Variants in TTC27 observed in about 807,000 individuals in gnomAD.
The protein encoded by TTC27 is tetratricopeptide repeat domain 27.
In TTC27, 79 loss-of-function variants were observed where a neutral mutation model predicts 115.9. That is an observed-to-expected ratio of 0.68 (90% confidence interval 0.57 to 0.82). The LOEUF is 0.82. Among genes scored for constraint, TTC27 ranks in the 40% least tolerant of loss-of-function variants. The probability of loss-of-function intolerance (pLI) is 0.00; values close to 1 mark genes in which losing one functional copy is unlikely to be tolerated. For missense variants in TTC27, 1,054 were observed against 993.1 expected (o/e 1.06, Z -0.82); for synonymous variants, 401 against 356.0 (o/e 1.13, Z -1.42).
intron 16 of TTC27, among the ~76,000 whole-genome samples, chr2:32,796,346 C>T (rs977080391): frequency 3.9e-5 from 6 of 152,126 alleles, no homozygotes; most frequent in Non-Finnish European, 7.4e-5. Flanking sequence ...GATTGAAAAA[C>T]TTAACATTGT....
At chr2:32,727,408 C>G (rs1360325066) in intron 10 of TTC27, among the ~76,000 whole-genome samples, 1 of 152,154 alleles carries the variant, frequency 6.6e-6, no homozygotes, top group African/African-American at 2.4e-5. Flanking sequence ...TTTATTATAA[C>G]AGAGTATTTA....
intron 3 of TTC27, 46 bp from the exon 4 acceptor site, chr2:32,640,224 A>T: frequency 2.0e-6 from 3 of 1,535,948 alleles, no homozygotes; most frequent in Non-Finnish European, 2.7e-6. Flanking sequence ...ATAAAGATTA[A>T]TATTTTGTTA....
chr2:32,710,670 C>A (rs1365330933), intron 10 of TTC27, among the ~76,000 whole-genome samples: 1 of 151,602 alleles, frequency 6.6e-6, no homozygotes, highest in African/African-American at 2.4e-5. Flanking sequence ...CTCAAGTGAT[C>A]TGCCTGCCTC....
intron 10 of TTC27, among the ~76,000 whole-genome samples, chr2:32,725,839 A>G (rs1668090490): frequency 6.6e-6 from 1 of 152,218 alleles, no homozygotes. Flanking sequence ...CTGCCTGGAC[A>G]CATAGACATT....
chr2:32,669,288 G>A (rs557286658), intron 7 of TTC27, among the ~76,000 whole-genome samples: 7 of 151,986 alleles, frequency 4.6e-5, no homozygotes, highest in Admixed American at 1.3e-4. Context: ...CCACTGCACC[G>A]GCCAGAATTT....
chr2:32,811,279 C>T (rs979422238), intron 17 of TTC27, 58 bp downstream of exon 17: 2 of 1,511,008 alleles, frequency 1.3e-6, no homozygotes, highest in Non-Finnish European at 1.8e-6. Flanking sequence ...TGTAGTAGAT[C>T]TACTTTTTTG....
At chr2:32,752,953 T>C (rs1445255988) in intron 12 of TTC27, among the ~76,000 whole-genome samples, 1 of 152,152 alleles carries the variant, frequency 6.6e-6, no homozygotes, top group East Asian at 1.9e-4. Context: ...CACTCAAAAC[T>C]TAGTGGCTTA....
At chr2:32,723,160 A>C (rs1426915489) in intron 10 of TTC27, among the ~76,000 whole-genome samples, 2 of 152,206 alleles carry the variant, frequency 1.3e-5, no homozygotes, top group East Asian at 1.9e-4. Context: ...AAAGGCACTA[A>C]ATAATAACTT....
chr2:32,711,206 C>G (rs2151905598), intron 10 of TTC27, among the ~76,000 whole-genome samples: 1 of 151,144 alleles, frequency 6.6e-6, no homozygotes, highest in Non-Finnish European at 1.5e-5. Flanking sequence ...ATTGGCCTTA[C>G]TATATTTGGG....
chr2:32,648,940 A>G (rs1000857192), intron 4 of TTC27, among the ~76,000 whole-genome samples: 4 of 152,142 alleles, frequency 2.6e-5, no homozygotes, highest in Non-Finnish European at 5.9e-5. Flanking sequence ...GAGCCTGAGG[A>G]GGTCCAGGCT....
intron 10 of TTC27, among the ~76,000 whole-genome samples, chr2:32,726,323 C>T (rs933335195): frequency 6.6e-6 from 1 of 152,182 alleles, no homozygotes; most frequent in East Asian, 1.9e-4. Context: ...CCTTATAAAA[C>T]GGAATGCCTT....
At chr2:32,758,008 A>G (rs1428433538) in intron 12 of TTC27, among the ~76,000 whole-genome samples, 1 of 152,170 alleles carries the variant, frequency 6.6e-6, no homozygotes, top group Non-Finnish European at 1.5e-5. Flanking sequence ...GGCGAAAAAC[A>G]ACTTTTATGT....
intron 7 of TTC27, among the ~76,000 whole-genome samples, chr2:32,670,434 A>G (rs1413800302): frequency 6.6e-6 from 1 of 152,100 alleles, no homozygotes; most frequent in East Asian, 1.9e-4. Flanking sequence ...TAGAATTTCC[A>G]ATAAATGGAA....
intron 13 of TTC27, among the ~76,000 whole-genome samples, chr2:32,766,265 A>G (rs945040519): frequency 1.3e-5 from 2 of 152,206 alleles, no homozygotes; most frequent in African/African-American, 4.8e-5. Flanking sequence ...GGTATTTAGC[A>G]TGATGATCAC....
intron 1 of TTC27, among the ~76,000 whole-genome samples, 192 bp downstream of exon 1, chr2:32,628,572 C>T (rs562531809): frequency 2.0e-5 from 3 of 152,220 alleles, no homozygotes; most frequent in African/African-American, 7.2e-5. Context: ...TTCTTACCGC[C>T]CAGGTTCAGT....
intron 13 of TTC27, among the ~76,000 whole-genome samples, chr2:32,770,284 GTT>G (rs1421293676): frequency 1.3e-5 from 2 of 152,118 alleles, no homozygotes; most frequent in Non-Finnish European, 2.9e-5. Flanking sequence ...GTTACTTATT[GTT>G]TTTACCCTAC....
At chr2:32,765,357 C>CTTTTT (rs35543003) in intron 13 of TTC27, among the ~76,000 whole-genome samples, 1 of 139,672 alleles carries the variant, frequency 7.2e-6, no homozygotes, top group Non-Finnish European at 1.5e-5. Flanking sequence ...TGAAAGGAAT[C>CTTTTT]TTTTTTTTTT....
intron 12 of TTC27, among the ~76,000 whole-genome samples, chr2:32,738,512 T>C (rs1282445147): frequency 6.6e-6 from 1 of 152,222 alleles, no homozygotes; most frequent in Non-Finnish European, 1.5e-5. Context: ...TTCAGGTGGC[T>C]GTCCTGTCAG....
At chr2:32,657,008 C>T (rs1164296002) in intron 5 of TTC27, among the ~76,000 whole-genome samples, 6 of 133,948 alleles carry the variant, frequency 4.5e-5, no homozygotes, top group Non-Finnish European at 6.3e-5. Flanking sequence ...TTTTTTGAGA[C>T]GGAATCTTGC....
Sources: gnomAD v4.1 joint callset for allele counts (sites outside exome capture counted in the v4.1 genomes callset) on GRCh38, gnomAD v4.1.1 for gene constraint, MANE v1.5 for transcripts, NCBI Gene and HGNC (gene_info 2026-07-23, HGNC 2026-07-21) for gene names.